The following MBD5 variants were observed in gnomAD, a reference collection of about 807,000 sequenced individuals.
MBD5 encodes the protein methyl-CpG binding domain protein 5.
In MBD5, 13 loss-of-function variants were observed where a neutral mutation model predicts 117.3. The observed-to-expected ratio is 0.11, with a 90% confidence interval of 0.07 to 0.18. The LOEUF (loss-of-function observed/expected upper bound fraction) is 0.18. Ranked by LOEUF, MBD5 falls within the 10% of genes least tolerant of loss-of-function variation. The pLI is 1.00. For synonymous variants in MBD5, 727 were observed against 766.4 expected, an observed-to-expected ratio of 0.95 and a Z score of 0.85; for missense variants, 1,879 against 2,093.8, an observed-to-expected ratio of 0.90 and a Z score of 2.00.
chr2:148,468,955 C>G lies in MBD5; in HGVS notation c.1012C>G (p.Pro338Ala), dbSNP rs755505551. 6.2e-7 allele frequency: 1 copy of G among 1,613,604 alleles called. No homozygotes were observed. Among genetic ancestry groups the G allele is most frequent in the Non-Finnish European group, 8.5e-7 (1 of 1,179,844 alleles). The change falls in exon 8 of 14, where the codon CCC becomes GCC. Residue 338 changes from proline to alanine, a missense_variant. Coordinates refer to ENST00000642680, the MANE Select transcript of MBD5 (RefSeq NM_001378120.1). The stretch of plus-strand genomic sequence containing the variant: ...CCACAAACCACCCCAAGGCCCACCT[C>G]CCCCTCCTCCACCTTCTTGTGCTCT... Reference protein sequence around the residue: ...FHHKPPQGPPPPPPPSCALQK... With the variant: ...FHHKPPQGPPAPPPPSCALQK...
intron 4 of MBD5, among the ~76,000 whole-genome samples, chr2:148,425,360 C>T (rs1420541604): frequency 6.6e-6 from 1 of 152,164 alleles, no homozygotes; most frequent in Admixed American, 6.5e-5. Context: ...CCTGAATAGA[C>T]CAATAACAAC....
chr2:148,481,335 A>G (rs1681146820), intron 8 of MBD5, among the ~76,000 whole-genome samples: 1 of 152,182 alleles, frequency 6.6e-6, no homozygotes. Flanking sequence ...GAAAACAAGA[A>G]GAATATAAAA....
Position 148,514,318 on chromosome 2 carries a change from A to T in MBD5, c.*1377A>T, listed in dbSNP as rs1682296162. Reference sequence around the variant, plus strand: ...AAAACTGTGAGCCATTGTAAAGTACAAGGTAATTAATAAGAAATGTAGCAC... The same window carrying T: ...AAAACTGTGAGCCATTGTAAAGTACTAGGTAATTAATAAGAAATGTAGCAC... On this transcript the variant is annotated 3_prime_UTR_variant, in exon 14 of 14. Transcript: ENST00000642680. 1 of 152,224 alleles carries T rather than the reference A, an allele frequency of 6.6e-6. No individual in the cohort carries two copies. Among genetic ancestry groups the T allele is most frequent in the Admixed American group, 6.5e-5 (1 of 15,288 alleles). The allele number at this position is 152,224 out of a possible 1,614,324, so 9.4% of individuals were successfully genotyped here.
At chr2:148,331,997 A>G (rs763770266) in intron 3 of MBD5, among the ~76,000 whole-genome samples, 11 of 152,156 alleles carry the variant, frequency 7.2e-5, no homozygotes, top group African/African-American at 1.4e-4. Flanking sequence ...ATCTCACACT[A>G]TATTCCAAGT....
chr2:148,497,973 G>T (rs568021163), intron 11 of MBD5, among the ~76,000 whole-genome samples: 1 of 152,166 alleles, frequency 6.6e-6, no homozygotes, highest in African/African-American at 2.4e-5. Context: ...TTTTACAGAT[G>T]GGAGAACTGA....
chr2:148,250,742 CA>C (rs945512036), intron 3 of MBD5, among the ~76,000 whole-genome samples: 8 of 152,098 alleles, frequency 5.3e-5, no homozygotes, highest in Non-Finnish European at 8.8e-5. Context: ...ATTCTCAGAA[CA>C]ACTCTAAGAG....
At chr2:148,206,580 C>T (rs1699288490) in intron 2 of MBD5, among the ~76,000 whole-genome samples, 1 of 151,986 alleles carries the variant, frequency 6.6e-6, no homozygotes, top group Admixed American at 6.6e-5. Flanking sequence ...ATTTTTGTAC[C>T]CGTTAACCAG....
chr2:148,307,509 A>G (rs935263749), intron 3 of MBD5, among the ~76,000 whole-genome samples: 3 of 152,110 alleles, frequency 2.0e-5, no homozygotes, highest in Admixed American at 2.0e-4. Context: ...CTTTTTCCTC[A>G]GTGAAAACAC....
chr2:148,034,849 A>G (rs994125987), intron 1 of MBD5, among the ~76,000 whole-genome samples: 2 of 152,200 alleles, frequency 1.3e-5, no homozygotes, highest in Admixed American at 6.5e-5. Flanking sequence ...TCTAATTACT[A>G]TTACTCACAG....
intron 1 of MBD5, among the ~76,000 whole-genome samples, chr2:148,057,244 A>G (rs1334801001): frequency 1.3e-5 from 2 of 151,254 alleles, no homozygotes; most frequent in Non-Finnish European, 3.0e-5. Context: ...TCTACATTTT[A>G]ATTTTGCTTT....
intron 2 of MBD5, among the ~76,000 whole-genome samples, chr2:148,204,406 A>C (rs1485804236): frequency 6.6e-6 from 1 of 152,200 alleles, no homozygotes; most frequent in East Asian, 1.9e-4. Flanking sequence ...GAAAACCAAA[A>C]GAGTAGAAAA....
chr2:148,123,897 A>G (rs1696826126), intron 1 of MBD5, among the ~76,000 whole-genome samples: 1 of 152,206 alleles, frequency 6.6e-6, no homozygotes, highest in African/African-American at 2.4e-5. Context: ...CAAAGGACAG[A>G]TTACTTCGGT....
chr2:148,197,869 A>C (rs1282202231), intron 2 of MBD5, among the ~76,000 whole-genome samples: 2 of 141,970 alleles, frequency 1.4e-5, no homozygotes, highest in African/African-American at 5.3e-5. Context: ...GCTGGAGTAC[A>C]ATGGTATGAT....
At chr2:148,408,488 A>G (rs1332903604) in intron 4 of MBD5, among the ~76,000 whole-genome samples, 4 of 152,208 alleles carry the variant, frequency 2.6e-5, no homozygotes, top group Non-Finnish European at 4.4e-5. Flanking sequence ...ATTTTGTGTC[A>G]TCAAATAAAA....
At chr2:148,497,049 TA>T (rs998178340) in intron 11 of MBD5, among the ~76,000 whole-genome samples, 1 of 151,890 alleles carries the variant, frequency 6.6e-6, no homozygotes, top group African/African-American at 2.4e-5. Flanking sequence ...GATGTTATTT[TA>T]AAAACATATA....
intron 4 of MBD5, among the ~76,000 whole-genome samples, chr2:148,425,419 AG>A (rs1705746734): frequency 1.3e-5 from 2 of 152,346 alleles, no homozygotes; most frequent in South Asian, 2.1e-4. Context: ...AAAAAAGTCC[AG>A]GACTAGACAG....
chr2:148,351,290 A>C (rs1429117341), intron 4 of MBD5, among the ~76,000 whole-genome samples: 1 of 152,044 alleles, frequency 6.6e-6, no homozygotes, highest in Non-Finnish European at 1.5e-5. Flanking sequence ...AGTCCCAGGC[A>C]GGCAACCACT....
At chr2:148,233,914 T>A (rs1209608491) in intron 3 of MBD5, among the ~76,000 whole-genome samples, 1 of 152,160 alleles carries the variant, frequency 6.6e-6, no homozygotes, top group Admixed American at 6.6e-5. Flanking sequence ...CAGCTTTACA[T>A]TTTGTGAAAA....
chr2:148,411,389 C>T (rs1428957857), intron 4 of MBD5, among the ~76,000 whole-genome samples: 2 of 151,940 alleles, frequency 1.3e-5, no homozygotes, highest in African/African-American at 4.8e-5. Flanking sequence ...GGTCGAGTGA[C>T]AATTCTGTTT....
Sources: allele counts gnomAD v4.1 joint callset (sites outside exome capture counted in the v4.1 genomes callset), GRCh38; gene constraint gnomAD v4.1.1; transcripts MANE v1.5; gene names NCBI Gene and HGNC (gene_info 2026-07-23, HGNC 2026-07-21).